Variants in MARCHF8 observed in about 807,000 individuals in gnomAD.
The protein encoded by MARCHF8 is E3 ubiquitin-protein ligase MARCHF8.
Under a neutral mutation model 51.6 loss-of-function variants are expected in MARCHF8, and 40 were observed. That is an observed-to-expected ratio of 0.77 (90% CI 0.60 to 1.01). MARCHF8 has a LOEUF of 1.01. MARCHF8 is among the 50% of genes least tolerant of loss of function. The pLI is 0.00. For synonymous variants in MARCHF8, 263 were observed against 280.3 expected, an observed-to-expected ratio of 0.94 and a Z score of 0.62; for missense variants, 685 against 708.6, an observed-to-expected ratio of 0.97 and a Z score of 0.38.
At chr10:45,522,121 CAG>C (rs1405789220) in intron 2 of MARCHF8, among the ~76,000 whole-genome samples, 12 of 152,078 alleles carry the variant, frequency 7.9e-5, no homozygotes, top group African/African-American at 2.9e-4. Flanking sequence ...TTTTTAAAGT[CAG>C]GGGTTCAAGG....
Position 45,458,014 on chromosome 10 carries a change from T to C in MARCHF8, c.*225A>G. ...TCCCCATGATGTCATCATGGGGTCT[T>C]CCACTTTCCCACAGAGCTGCCAGGC... On this transcript the variant is annotated 3_prime_UTR_variant, in exon 8 of 8. Transcript: ENST00000453424. 3.7e-6 allele frequency: 2 copies of C among 542,710 alleles called. No individual in the cohort carries two copies. Among genetic ancestry groups the C allele is most frequent in the Non-Finnish European group, 6.4e-6 (2 of 312,794 alleles). 33.6% of individuals were successfully genotyped at this position (542,710 alleles called of 1,614,324 possible).
At chr10:45,479,601 C>G (rs972759251) in intron 3 of MARCHF8, among the ~76,000 whole-genome samples, 10 of 152,130 alleles carry the variant, frequency 6.6e-5, no homozygotes, top group Non-Finnish European at 2.9e-5. Context: ...GTGAATAAGT[C>G]TCATGAAATC....
rs2043915621 is a variant in MARCHF8, at chr10:45,533,152, TCTAGCAGAGATGGCATCCTGGG to T, written c.38_59del (p.Ser13Ter). On this transcript the variant is annotated frameshift_variant, in exon 2 of 8. Transcript: ENST00000453424. LOFTEE classifies it high-confidence loss of function. ...TTTCTTTGGTCTTACTTCTGTAGAC[TCTAGCAGAGATGGCATCCTGGG>T]ATGGAATGGCAGAGATCTGATGCAG... 1 of 1,613,002 alleles carries T rather than the reference TCTAGCAGAGATGGCATCCTGGG, an allele frequency of 6.2e-7. No homozygotes were observed. Among genetic ancestry groups the T allele is most frequent in the South Asian group, 1.1e-5 (1 of 90,956 alleles).
At chr10:45,461,734 C>T (rs769772789) in intron 5 of MARCHF8, 1 of 194,344 alleles carries the variant, frequency 5.1e-6, no homozygotes, top group Non-Finnish European at 1.0e-5. Flanking sequence ...AATCATTTTC[C>T]AGAACATAAG....
chr10:45,572,311 C>A (rs867010208), intron 1 of MARCHF8, among the ~76,000 whole-genome samples: 12 of 151,988 alleles, frequency 7.9e-5, no homozygotes, highest in African/African-American at 2.4e-4. Context: ...ATGTCTCTAC[C>A]CTCTCTTTTC....
chr10:45,586,989 G>C (rs920023324), intron 1 of MARCHF8, among the ~76,000 whole-genome samples: 1 of 150,886 alleles, frequency 6.6e-6, no homozygotes, highest in Non-Finnish European at 1.5e-5. Context: ...AAATGTTGTA[G>C]TTAGTGCTTT....
At chr10:45,496,016 T>A (rs1450794782) in intron 2 of MARCHF8, among the ~76,000 whole-genome samples, 1 of 151,810 alleles carries the variant, frequency 6.6e-6, no homozygotes, top group Non-Finnish European at 1.5e-5. Flanking sequence ...CCAGAGACAG[T>A]GGAAGGACAT....
intron 1 of MARCHF8, among the ~76,000 whole-genome samples, chr10:45,576,923 C>T (rs2044496325): frequency 6.7e-6 from 1 of 149,860 alleles, no homozygotes; most frequent in Admixed American, 6.7e-5. Flanking sequence ...CACCACTGCA[C>T]TCCAGCCTGG....
chr10:45,537,388 C>T (rs571711119), upstream of MARCHF8, among the ~76,000 whole-genome samples: 18 of 152,268 alleles, frequency 1.2e-4, no homozygotes, highest in South Asian at 2.7e-3. Flanking sequence ...TGTGGTGGTT[C>T]GCGCCTATAA....
chr10:45,467,995 A>C (rs753846782), intron 3 of MARCHF8, among the ~76,000 whole-genome samples: 3 of 151,898 alleles, frequency 2.0e-5, no homozygotes, highest in Non-Finnish European at 4.4e-5. Context: ...AAATTCTTGT[A>C]AAAATCCTCC....
intron 2 of MARCHF8, among the ~76,000 whole-genome samples, chr10:45,489,881 T>C (rs1230137505): frequency 6.6e-6 from 1 of 152,124 alleles, no homozygotes; most frequent in East Asian, 1.9e-4. Flanking sequence ...CTGGGGTGTC[T>C]GGCTAACAAA....
intron 3 of MARCHF8, among the ~76,000 whole-genome samples, chr10:45,474,346 C>T (rs2042748371): frequency 6.6e-6 from 1 of 152,118 alleles, no homozygotes; most frequent in Non-Finnish European, 1.5e-5. Flanking sequence ...CACTGTGCAT[C>T]GCCCCTGCCA....
chr10:45,557,668 T>C (rs971206959), intron 1 of MARCHF8, among the ~76,000 whole-genome samples: 1 of 152,174 alleles, frequency 6.6e-6, no homozygotes, highest in Non-Finnish European at 1.5e-5. Context: ...GGCTGGAATG[T>C]GGTTTCAGGG....
intron 1 of MARCHF8, among the ~76,000 whole-genome samples, chr10:45,560,537 T>C (rs1367482641): frequency 2.6e-5 from 4 of 152,198 alleles, no homozygotes; most frequent in African/African-American, 9.7e-5. Context: ...GCTGAATAAA[T>C]GCCCACAGTG....
At chr10:45,576,974 G>GAAAAA (rs58593536) in intron 1 of MARCHF8, among the ~76,000 whole-genome samples, 7 of 120,410 alleles carry the variant, frequency 5.8e-5, no homozygotes, top group Non-Finnish European at 1.0e-4. Flanking sequence ...AAAGAGAAAA[G>GAAAAA]AAAAAAAAAA....
At chr10:45,594,482 C>T (rs1054200782) in exon 1 of MARCHF8, 1 of 152,278 alleles carries the variant, frequency 6.6e-6, no homozygotes, top group Admixed American at 6.5e-5. Context: ...CCGCTCGGCC[C>T]GGCCCCAGGG....
At position 45,464,008 on chromosome 10, in the gene MARCHF8, AC is replaced by A; in HGVS notation, c.243-13del. On this transcript the variant is annotated splice_polypyrimidine_tract_variant and intron_variant, in intron 4 of 7. Coordinates refer to ENST00000453424, the MANE Select transcript of MARCHF8 (RefSeq NM_001282866.2). ...ACACTGCACTGGAACTGCATGCAGAACAGTGGGATAAAAGCACAGAAAGTAA... is the reference window on the plus strand; with the variant it reads ...ACACTGCACTGGAACTGCATGCAGAAAGTGGGATAAAAGCACAGAAAGTAA... 1 of 1,522,556 alleles carries A rather than the reference AC, an allele frequency of 6.6e-7. No homozygotes were observed. Among genetic ancestry groups the A allele is most frequent in the Non-Finnish European group, 8.8e-7 (1 of 1,141,378 alleles). 94.3% of individuals were successfully genotyped at this position (1,522,556 alleles called of 1,614,324 possible).
intron 1 of MARCHF8, among the ~76,000 whole-genome samples, chr10:45,583,546 T>C (rs1050894958): frequency 2.6e-5 from 4 of 152,218 alleles, no homozygotes; most frequent in African/African-American, 9.6e-5. Flanking sequence ...AAATATTTAT[T>C]GATTGCTAGG....
At chr10:45,565,046 T>C (rs961792695) in intron 1 of MARCHF8, among the ~76,000 whole-genome samples, 2 of 151,742 alleles carry the variant, frequency 1.3e-5, no homozygotes, top group South Asian at 2.1e-4. Flanking sequence ...TAAAGAACTA[T>C]TTTTCAATTT....
Sources: allele counts gnomAD v4.1 joint callset (sites outside exome capture counted in the v4.1 genomes callset), GRCh38; gene constraint gnomAD v4.1.1; transcripts MANE v1.5; gene names NCBI Gene and HGNC (gene_info 2026-07-23, HGNC 2026-07-21).